The following SKAP2 variants were observed in gnomAD, a reference collection of about 807,000 sequenced individuals.
SKAP2 encodes src kinase-associated phosphoprotein 2.
A neutral mutation model predicts 54.9 loss-of-function variants in SKAP2; 28 were observed. The ratio of observed to expected loss-of-function variants is 0.51; its 90% CI spans 0.38 to 0.70. The LOEUF is 0.70. Ranked by LOEUF, SKAP2 falls within the 30% of genes least tolerant of loss-of-function variation. The pLI is 0.00. For synonymous variants in SKAP2, 137 were observed against 134.3 expected (o/e 1.02, Z -0.14); for missense variants, 356 against 424.1 (o/e 0.84, Z 1.41).
At chr7:26,754,483 G>A (rs1481209971) in intron 4 of SKAP2, among the ~76,000 whole-genome samples, 1 of 151,380 alleles carries the variant, frequency 6.6e-6, no homozygotes. Flanking sequence ...TCATTAATAT[G>A]TTCACTGTGT....
chr7:26,711,115 C>G (rs1787291344), intron 9 of SKAP2, among the ~76,000 whole-genome samples: 1 of 152,076 alleles, frequency 6.6e-6, no homozygotes, highest in Non-Finnish European at 1.5e-5. Flanking sequence ...TATACCAATG[C>G]TATATAATGG....
chr7:26,796,648 T>A (rs1223264945), intron 4 of SKAP2, among the ~76,000 whole-genome samples: 1 of 152,254 alleles, frequency 6.6e-6, no homozygotes, highest in Non-Finnish European at 1.5e-5. Context: ...ATAGATGATA[T>A]CAACTTGTGG....
intron 3 of SKAP2, among the ~76,000 whole-genome samples, chr7:26,849,797 C>T (rs981259846): frequency 6.7e-6 from 1 of 149,724 alleles, no homozygotes; most frequent in African/African-American, 2.4e-5. Flanking sequence ...AATAATTGAT[C>T]ATTTTCCCCC....
chr7:26,717,763 T>C (rs1787486652), intron 9 of SKAP2, among the ~76,000 whole-genome samples: 1 of 150,364 alleles, frequency 6.7e-6, no homozygotes, highest in South Asian at 2.1e-4. Flanking sequence ...ACCTCGGGGG[T>C]AGAGGTTGCA....
At chr7:26,811,460 C>T (rs1475162294) in intron 4 of SKAP2, among the ~76,000 whole-genome samples, 1 of 152,174 alleles carries the variant, frequency 6.6e-6, no homozygotes, top group Non-Finnish European at 1.5e-5. Context: ...TCCCTACACC[C>T]TCTTTACCTA....
At chr7:26,717,854 TAATTA>T (rs1220558972) in intron 9 of SKAP2, among the ~76,000 whole-genome samples, 3 of 150,878 alleles carry the variant, frequency 2.0e-5, no homozygotes. Flanking sequence ...AAAATAAAAA[TAATTA>T]AATTTTTAAA....
At chr7:26,718,413 C>CA (rs1025694305) in intron 9 of SKAP2, among the ~76,000 whole-genome samples, 2 of 151,386 alleles carry the variant, frequency 1.3e-5, no homozygotes, top group African/African-American at 4.8e-5. Flanking sequence ...TAAAAATAGG[C>CA]AAAAAAGGAA....
chr7:26,757,215 G>A, intron 4 of SKAP2, among the ~76,000 whole-genome samples: 1 of 152,118 alleles, frequency 6.6e-6, no homozygotes, highest in Non-Finnish European at 1.5e-5. Context: ...TGTTGCCATT[G>A]CTTTTGGTGT....
intron 4 of SKAP2, among the ~76,000 whole-genome samples, chr7:26,802,800 G>A (rs538358687): frequency 6.6e-6 from 1 of 152,160 alleles, no homozygotes; most frequent in African/African-American, 2.4e-5. Context: ...AGAATCGCTT[G>A]AACCCAGAAG....
At chr7:26,674,392 A>G (rs1004225018) in intron 11 of SKAP2, among the ~76,000 whole-genome samples, 3 of 152,172 alleles carry the variant, frequency 2.0e-5, no homozygotes, top group African/African-American at 7.2e-5. Context: ...CATCAAGGCT[A>G]CCTCTTTAGT....
At chr7:26,701,750 TAAATAAAC>T (rs765420567) in intron 9 of SKAP2, among the ~76,000 whole-genome samples, 13,674 of 73,468 alleles carry the variant, frequency 0.19, 641 homozygotes, top group Middle Eastern at 0.3. Flanking sequence ...AATAAATAAA[TAAATAAAC>T]AAATAAATAA....
At chr7:26,761,881 C>T (rs1002884735) in intron 4 of SKAP2, among the ~76,000 whole-genome samples, 1 of 152,204 alleles carries the variant, frequency 6.6e-6, no homozygotes, top group Non-Finnish European at 1.5e-5. Context: ...GCCAGGGCGA[C>T]AGAGTGAGAC....
chr7:26,822,675 AC>A (rs1440854126), intron 4 of SKAP2, among the ~76,000 whole-genome samples: 2 of 151,750 alleles, frequency 1.3e-5, no homozygotes, highest in East Asian at 3.9e-4. Flanking sequence ...GGAGATCGAG[AC>A]CATCCTGGCT....
chr7:26,757,017 T>G (rs1345490905), intron 4 of SKAP2, among the ~76,000 whole-genome samples: 1 of 152,228 alleles, frequency 6.6e-6, no homozygotes, highest in Admixed American at 6.5e-5. Flanking sequence ...ACCCACTTTT[T>G]GATGGGGTTG....
chr7:26,771,805 G>A (rs1303707646), intron 4 of SKAP2, among the ~76,000 whole-genome samples: 2 of 152,128 alleles, frequency 1.3e-5, no homozygotes, highest in Non-Finnish European at 2.9e-5. Context: ...AAAAGCTGAT[G>A]CACTTTTATG....
chr7:26,816,226 G>C (rs1784263455), intron 4 of SKAP2, among the ~76,000 whole-genome samples: 2 of 152,074 alleles, frequency 1.3e-5, no homozygotes, highest in African/African-American at 4.8e-5. Context: ...CCACACGGTA[G>C]ATAAAAGATA....
At chr7:26,761,729 T>C (rs1296698843) in intron 4 of SKAP2, among the ~76,000 whole-genome samples, 1 of 152,098 alleles carries the variant, frequency 6.6e-6, no homozygotes, top group Non-Finnish European at 1.5e-5. Flanking sequence ...GGAAACCCTG[T>C]CTCTACTAAA....
At chr7:26,864,055 T>TCTCACACACACACA (rs1554310125) in intron 1 of SKAP2, among the ~76,000 whole-genome samples, 3 of 143,332 alleles carry the variant, frequency 2.1e-5, no homozygotes, top group Admixed American at 7.0e-5. Flanking sequence ...CGCCCTTCTG[T>TCTCACACACACACA]CACACACACA....
At chr7:26,673,435 C>T (rs565810736) in intron 11 of SKAP2, among the ~76,000 whole-genome samples, 29 of 152,052 alleles carry the variant, frequency 1.9e-4, no homozygotes, top group Non-Finnish European at 2.8e-4. Flanking sequence ...TATAAAGCTA[C>T]ATTATGCGGT....
Sources: gnomAD v4.1 joint callset for allele counts (sites outside exome capture counted in the v4.1 genomes callset) on GRCh38, gnomAD v4.1.1 for gene constraint, MANE v1.5 for transcripts, NCBI Gene and HGNC (gene_info 2026-07-23, HGNC 2026-07-21) for gene names.